Variants in GPATCH2 observed in about 807,000 individuals in gnomAD.
GPATCH2 encodes G patch domain-containing protein 2.
GPATCH2 carries 51 observed loss-of-function variants against 58.0 expected under a neutral mutation model. That is an observed-to-expected ratio of 0.88 (90% confidence interval 0.70 to 1.11). The LOEUF is 1.11. GPATCH2 is among the 50% of genes most tolerant of loss of function. The pLI is 0.00. For synonymous variants in GPATCH2, 222 were observed against 218.5 expected (o/e 1.02, Z -0.14); for missense variants, 625 against 652.2 (o/e 0.96, Z 0.45).
In GPATCH2 at chr1:217,598,454, T is replaced by A. The variant is rs145627964; in HGVS notation, c.1098+11867A>T. The stretch of plus-strand genomic sequence containing the variant: ...AAATAACCATCAACATTAAAAAAAA[T>A]TTTTTTTTTTTTGAGACAGAGTCTC... On this transcript the variant is annotated intron_variant, in intron 5 of 9. Coordinates refer to ENST00000366935, the MANE Select transcript of GPATCH2 (RefSeq NM_018040.5). Among the ~76,000 whole-genome samples, 707 of 127,612 alleles carry A rather than the reference T, an allele frequency of 5.5e-3. 7 individuals carry two copies. Among genetic ancestry groups the A allele is most frequent in the African/African-American group, 0.018 (646 of 36,704 alleles). The allele number at this position is 127,612 out of a possible 152,430, so 83.7% of individuals were successfully genotyped here. A position where few individuals can be genotyped will look rare whatever the true frequency, so the allele number is the denominator to read the frequency against.
intron 5 of GPATCH2, among the ~76,000 whole-genome samples, chr1:217,592,706 TAG>T (rs1357100987): frequency 1.3e-5 from 2 of 151,882 alleles, no homozygotes; most frequent in African/African-American, 4.8e-5. Context: ...CATGTATATT[TAG>T]AGATTAAAAA....
chr1:217,577,038 T>A (rs922866972), intron 5 of GPATCH2, among the ~76,000 whole-genome samples: 1 of 152,202 alleles, frequency 6.6e-6, no homozygotes, highest in African/African-American at 2.4e-5. Context: ...CAATTTATAA[T>A]ATATTTGCTA....
chr1:217,431,412 T>C, intron 9 of GPATCH2, 47 bp from the exon 10 acceptor site: 1 of 1,048,534 alleles, frequency 9.5e-7, no homozygotes, highest in Non-Finnish European at 1.5e-6. Flanking sequence ...TGAACACAGG[T>C]GAAGATATTA....
chr1:217,431,005 G>C lies in GPATCH2; in HGVS notation c.*140C>G. The C allele has an allele frequency of 1.5e-6, 1 of 658,440 alleles. No homozygotes were observed. Among genetic ancestry groups the C allele is most frequent in the Non-Finnish European group, 2.7e-6 (1 of 363,650 alleles). The allele number at this position is 658,440 out of a possible 1,614,324, so 40.8% of individuals were successfully genotyped here. ...AAATCCCATTTCTCTCACTATGGCAGGACTGTATGCAGTAAGGAAGCTAGA... is the reference window on the plus strand; with the variant it reads ...AAATCCCATTTCTCTCACTATGGCACGACTGTATGCAGTAAGGAAGCTAGA... On this transcript the variant is annotated 3_prime_UTR_variant, in exon 10 of 10. Coordinates refer to ENST00000366935, the MANE Select transcript of GPATCH2 (RefSeq NM_018040.5).
In GPATCH2 at chr1:217,620,029, G is replaced by A. The variant is rs1487896706; in HGVS notation, c.527C>T (p.Ser176Phe). 1.2e-6 allele frequency: 2 copies of A among 1,613,844 alleles called. No homozygotes were observed. Among genetic ancestry groups the A allele is most frequent in the Admixed American group, 1.7e-5 (1 of 59,994 alleles). ...RMAVDLPQDISNKRTMTQPPE... is the reference protein window; with the variant it reads ...RMAVDLPQDIFNKRTMTQPPE... ...TGGCTGGGTCATTGTCCGTTTGTTA[G>A]AGATGTCCTGTGGGAGATCTACTGC... The change falls in exon 2 of 10, where the codon TCT (serine) becomes TTT (phenylalanine). Residue 176 changes from serine (S) to phenylalanine (F), a missense_variant. Ser to Phe is a radical substitution (Grantham distance 155, BLOSUM62 -2). Coordinates refer to ENST00000366935, the MANE Select transcript of GPATCH2 (RefSeq NM_018040.5).
intron 2 of GPATCH2, among the ~76,000 whole-genome samples, chr1:217,614,691 CACA>C (rs1483523105): frequency 2.0e-5 from 3 of 149,252 alleles, no homozygotes; most frequent in Non-Finnish European, 4.4e-5. Flanking sequence ...CTTAAGAATT[CACA>C]ACAACTCTAT....
chr1:217,462,730 C>A (rs993760366), intron 8 of GPATCH2, among the ~76,000 whole-genome samples: 2 of 152,156 alleles, frequency 1.3e-5, no homozygotes, highest in Non-Finnish European at 2.9e-5. Context: ...TTTTCTTCAA[C>A]TAAATTCATA....
chr1:217,525,949 G>C (rs147563578), intron 5 of GPATCH2, among the ~76,000 whole-genome samples: 1,664 of 152,152 alleles, frequency 0.011, 39 homozygotes, highest in African/African-American at 0.039. Flanking sequence ...TCAACATTTT[G>C]GCAGCTAAAA....
chr1:217,476,190 T>C (rs1558419328), intron 8 of GPATCH2, among the ~76,000 whole-genome samples: 1 of 152,046 alleles, frequency 6.6e-6, no homozygotes, highest in East Asian at 1.9e-4. Context: ...AAACAATGGA[T>C]ATTTATTTGG....
chr1:217,468,026 C>A (rs1287078093), intron 8 of GPATCH2, among the ~76,000 whole-genome samples: 1 of 152,136 alleles, frequency 6.6e-6, no homozygotes, highest in Non-Finnish European at 1.5e-5. Context: ...AGTGAGTTCA[C>A]CTTTGGAAAA....
At chr1:217,514,699 A>C (rs1207036241) in intron 6 of GPATCH2, 123 bp downstream of exon 6, 1 of 507,362 alleles carries the variant, frequency 2.0e-6, no homozygotes, top group Non-Finnish European at 3.6e-6. Context: ...ATCAATGGTA[A>C]ATTATACTTA....
chr1:217,570,749 T>C (rs1380038024), intron 5 of GPATCH2, among the ~76,000 whole-genome samples: 1 of 152,180 alleles, frequency 6.6e-6, no homozygotes, highest in East Asian at 1.9e-4. Flanking sequence ...AGAGCTGGCA[T>C]AGGTTCACTA....
At chr1:217,523,630 C>G (rs1195638662) in intron 5 of GPATCH2, among the ~76,000 whole-genome samples, 1 of 151,812 alleles carries the variant, frequency 6.6e-6, no homozygotes, top group African/African-American at 2.4e-5. Flanking sequence ...ACCTTTCCCC[C>G]CTTTCTATTC....
chr1:217,536,074 T>C (rs1664447160), intron 5 of GPATCH2, among the ~76,000 whole-genome samples: 1 of 152,160 alleles, frequency 6.6e-6, no homozygotes, highest in Non-Finnish European at 1.5e-5. Flanking sequence ...TAGTATTTAT[T>C]TACTTGTTTT....
intron 5 of GPATCH2, among the ~76,000 whole-genome samples, chr1:217,552,985 A>G (rs1208863875): frequency 6.6e-6 from 1 of 152,166 alleles, no homozygotes; most frequent in Non-Finnish European, 1.5e-5. Flanking sequence ...TGGTTTATCT[A>G]AATTACATAT....
rs562443690 is a variant in GPATCH2, at chr1:217,552,496, G to A, written c.1099-37607C>T. The stretch of plus-strand genomic sequence containing the variant: ...TAGCCACAGGAGGGCAAAGGGAGAA[G>A]AGTCTATGTTCAACAGAGAATTTCA... On this transcript the variant is annotated intron_variant, in intron 5 of 9. Coordinates refer to ENST00000366935, the MANE Select transcript of GPATCH2 (RefSeq NM_018040.5). Among the ~76,000 whole-genome samples the A allele has an allele frequency of 4.6e-5, 7 of 152,232 alleles. No individual in the cohort carries two copies. In the Middle Eastern group the frequency reaches 0.017, roughly 370 times the overall value.
In GPATCH2 at chr1:217,630,988, C is replaced by A. The variant is rs771465685; in HGVS notation, c.-17G>T. 1 of 1,580,290 alleles carries A rather than the reference C, an allele frequency of 6.3e-7. No individual in the cohort carries two copies. Among genetic ancestry groups the A allele is most frequent in the East Asian group, 2.3e-5 (1 of 43,876 alleles). ...CCCGAACATTAACGACACCCGGGAG[C>A]CTGGCCTCGAAGCTCAGGCCCGTGA... On this transcript the variant is annotated 5_prime_UTR_variant, in exon 1 of 10. Coordinates refer to ENST00000366935, the MANE Select transcript of GPATCH2 (RefSeq NM_018040.5).
At chr1:217,546,722 A>G (rs1054345042) in intron 5 of GPATCH2, among the ~76,000 whole-genome samples, 5 of 152,258 alleles carry the variant, frequency 3.3e-5, no homozygotes, top group Non-Finnish European at 5.9e-5. Flanking sequence ...GCCAAAAGCA[A>G]TGGCAACCAA....
At chr1:217,465,615 T>C (rs1459677892) in intron 8 of GPATCH2, among the ~76,000 whole-genome samples, 2 of 152,162 alleles carry the variant, frequency 1.3e-5, no homozygotes, top group African/African-American at 4.8e-5. Context: ...GGTTTCTGGT[T>C]TTGCTTCTTC....
Sources: allele counts gnomAD v4.1 joint callset (sites outside exome capture counted in the v4.1 genomes callset), GRCh38; gene constraint gnomAD v4.1.1; transcripts MANE v1.5; gene names NCBI Gene and HGNC (gene_info 2026-07-23, HGNC 2026-07-21).